SH3GL2: variants seen among roughly 807,000 people sequenced by gnomAD.
SH3GL2 encodes SH3 domain containing GRB2 like 2, endophilin A1, also known as endophilin-A1.
A neutral mutation model predicts 46.0 loss-of-function variants in SH3GL2; 24 were observed. The observed-to-expected ratio is 0.52, with a 90% confidence interval of 0.38 to 0.73. The LOEUF (loss-of-function observed/expected upper bound fraction) is 0.73, where lower values mean the gene tolerates loss of function less well. Among genes scored for constraint, SH3GL2 ranks in the 30% least tolerant of loss-of-function variants. The pLI, the probability that SH3GL2 is intolerant of heterozygous loss-of-function variation, is 0.00. For synonymous variants in SH3GL2, 196 were observed against 147.1 expected (o/e 1.33, Z -2.40); for missense variants, 413 against 424.2 (o/e 0.97, Z 0.23).
chr9:17,738,576 A>ATACATACATATATACATAT (rs879840665), intron 1 of SH3GL2, among the ~76,000 whole-genome samples: 3 of 22,844 alleles, frequency 1.3e-4, no homozygotes, highest in African/African-American at 2.0e-4. Context: ...ATATATATAT[A>ATACATACATATATACATAT]GAGAGAGAGA....
intron 1 of SH3GL2, among the ~76,000 whole-genome samples, chr9:17,669,577 G>A (rs1382735499): frequency 1.3e-5 from 2 of 152,110 alleles, no homozygotes; most frequent in African/African-American, 4.8e-5. Flanking sequence ...CAGTTTCTTG[G>A]AGATTTACTC....
intron 1 of SH3GL2, among the ~76,000 whole-genome samples, chr9:17,603,908 A>C (rs1412293132): frequency 6.6e-6 from 1 of 152,192 alleles, no homozygotes; most frequent in East Asian, 1.9e-4. Context: ...AACTTATGCC[A>C]CTGAATTATA....
intron 1 of SH3GL2, among the ~76,000 whole-genome samples, chr9:17,708,565 G>T (rs1045477433): frequency 6.6e-6 from 1 of 151,866 alleles, no homozygotes; most frequent in Admixed American, 6.6e-5. Context: ...ATACGATTGC[G>T]TTATACTTTA....
At chr9:17,635,598 G>T (rs1420998930) in intron 1 of SH3GL2, among the ~76,000 whole-genome samples, 1 of 152,156 alleles carries the variant, frequency 6.6e-6, no homozygotes, top group Non-Finnish European at 1.5e-5. Flanking sequence ...ATGCCTCCTG[G>T]GGTTCGGGAT....
intron 1 of SH3GL2, among the ~76,000 whole-genome samples, chr9:17,714,833 A>G (rs1424169821): frequency 6.6e-6 from 1 of 151,666 alleles, no homozygotes. Context: ...TTAATTTCTC[A>G]TGTAGATCCA....
chr9:17,724,771 T>C (rs1821981696), intron 1 of SH3GL2, among the ~76,000 whole-genome samples: 1 of 152,168 alleles, frequency 6.6e-6, no homozygotes, highest in Admixed American at 6.5e-5. Context: ...TTGAAGAATA[T>C]TTTTCTCACT....
At chr9:17,594,259 C>T (rs963608723) in intron 1 of SH3GL2, among the ~76,000 whole-genome samples, 1 of 152,162 alleles carries the variant, frequency 6.6e-6, no homozygotes, top group African/African-American at 2.4e-5. Flanking sequence ...TATCCTGACA[C>T]CTTGCAATTA....
At chr9:17,673,537 A>G (rs1325508470) in intron 1 of SH3GL2, among the ~76,000 whole-genome samples, 6 of 152,010 alleles carry the variant, frequency 3.9e-5, no homozygotes, top group East Asian at 1.9e-4. Context: ...TTAGAAACAC[A>G]TTTCTGACCA....
chr9:17,653,982 G>A, intron 1 of SH3GL2: 1 of 315,476 alleles, frequency 3.2e-6, no homozygotes, highest in Non-Finnish European at 4.6e-6. Flanking sequence ...GAGCAGTTGT[G>A]TGCTGTATTC....
chr9:17,631,664 C>T (rs1333676780), intron 1 of SH3GL2, among the ~76,000 whole-genome samples: 3 of 152,156 alleles, frequency 2.0e-5, no homozygotes, highest in African/African-American at 7.2e-5. Flanking sequence ...CACCCCCATG[C>T]ATAGTATTTT....
At chr9:17,706,954 T>C (rs73422675) in intron 1 of SH3GL2, among the ~76,000 whole-genome samples, 30,543 of 151,924 alleles carry the variant, frequency 0.2, 5,214 homozygotes, top group African/African-American at 0.46. Context: ...AAATGTAGCA[T>C]TTCAGAGTAA....
chr9:17,764,533 C>A (rs886949857), intron 3 of SH3GL2, among the ~76,000 whole-genome samples: 11 of 152,254 alleles, frequency 7.2e-5, no homozygotes, highest in African/African-American at 2.7e-4. Flanking sequence ...AATGCTGGTT[C>A]TGAATAAGCA....
chr9:17,606,913 C>T (rs1333233545), intron 1 of SH3GL2, among the ~76,000 whole-genome samples: 4 of 152,146 alleles, frequency 2.6e-5, no homozygotes, highest in African/African-American at 9.7e-5. Flanking sequence ...AAAGTAAGAC[C>T]CCACTTGTGA....
At chr9:17,765,343 G>A (rs1266683330) in intron 3 of SH3GL2, among the ~76,000 whole-genome samples, 1 of 152,024 alleles carries the variant, frequency 6.6e-6, no homozygotes, top group Non-Finnish European at 1.5e-5. Context: ...GCTCCTGGGT[G>A]CTTGCTGGCT....
intron 1 of SH3GL2, among the ~76,000 whole-genome samples, chr9:17,617,561 A>G (rs536883865): frequency 6.6e-6 from 1 of 152,340 alleles, no homozygotes; most frequent in East Asian, 1.9e-4. Context: ...ACTGCCAAAG[A>G]TAAATTTTCA....
chr9:17,791,093 G>T, intron 6 of SH3GL2, 138 bp from the exon 7 acceptor site: 1 of 637,082 alleles, frequency 1.6e-6, no homozygotes, highest in Non-Finnish European at 2.9e-6. Context: ...TATCTTAGTT[G>T]GCTTATCACA....
chr9:17,759,026 T>C (rs1331555556), intron 2 of SH3GL2, among the ~76,000 whole-genome samples: 1 of 152,126 alleles, frequency 6.6e-6, no homozygotes, highest in Non-Finnish European at 1.5e-5. Flanking sequence ...AAGCTAGTGG[T>C]GTCTGTTTAC....
chr9:17,753,801 T>A (rs999882729), intron 2 of SH3GL2, among the ~76,000 whole-genome samples: 3 of 152,208 alleles, frequency 2.0e-5, no homozygotes, highest in South Asian at 4.1e-4. Flanking sequence ...AGGGTTTTTA[T>A]GATTCGGAGT....
chr9:17,579,726 C>T (rs1319155999), intron 1 of SH3GL2, among the ~76,000 whole-genome samples: 2 of 152,156 alleles, frequency 1.3e-5, no homozygotes, highest in Admixed American at 1.3e-4. Flanking sequence ...GGTGGCCGCA[C>T]TGGGGGTGGC....
Sources: gnomAD v4.1 joint callset for allele counts (sites outside exome capture counted in the v4.1 genomes callset) on GRCh38, gnomAD v4.1.1 for gene constraint, MANE v1.5 for transcripts, NCBI Gene and HGNC (gene_info 2026-07-23, HGNC 2026-07-21) for gene names.